The following ASPH variants were observed in gnomAD, a reference collection of about 807,000 sequenced individuals.
The protein encoded by ASPH is aspartyl/asparaginyl beta-hydroxylase.
A neutral mutation model predicts 118.4 loss-of-function variants in ASPH; 100 were observed. The observed-to-expected ratio is 0.84, with a 90% CI of 0.72 to 1.00. The LOEUF (loss-of-function observed/expected upper bound fraction) is 1.00, where lower values mean the gene tolerates loss of function less well. Among genes scored for constraint, ASPH ranks in the 50% least tolerant of loss-of-function variants. The probability of loss-of-function intolerance (pLI) is 0.00; values close to 1 mark genes in which losing one functional copy is unlikely to be tolerated. For missense variants in ASPH, 920 were observed against 919.5 expected, an observed-to-expected ratio of 1.00 and a Z score of -0.01; for synonymous variants, 315 against 325.6, an observed-to-expected ratio of 0.97 and a Z score of 0.35.
At chr8:61,674,876 G>A (rs893698940) in intron 3 of ASPH, among the ~76,000 whole-genome samples, 5 of 152,158 alleles carry the variant, frequency 3.3e-5, no homozygotes, top group Non-Finnish European at 5.9e-5. Context: ...TTAGCTCTCT[G>A]ACAAACTAAC....
intron 15 of ASPH, chr8:61,578,364 G>C (rs1256373500): frequency 3.1e-6 from 5 of 1,606,502 alleles, no homozygotes; most frequent in Admixed American, 3.3e-5. Flanking sequence ...CTTTCGGGGT[G>C]GCCTGGGAGG....
At chr8:61,517,408 CTT>C in intron 24 of ASPH, 118 bp downstream of exon 24, 1 of 1,397,958 alleles carries the variant, frequency 7.2e-7, no homozygotes, top group Non-Finnish European at 9.8e-7. Flanking sequence ...ATTAATATCA[CTT>C]TGCTCCAGTC....
chr8:61,665,958 T>G (rs1040292334), intron 3 of ASPH, among the ~76,000 whole-genome samples: 9 of 152,206 alleles, frequency 5.9e-5, no homozygotes, highest in African/African-American at 2.2e-4. Context: ...AAAGGAACAC[T>G]GGCAACGTAA....
At chr8:61,636,126 G>T (rs1857606961) in intron 12 of ASPH, among the ~76,000 whole-genome samples, 1 of 152,082 alleles carries the variant, frequency 6.6e-6, no homozygotes, top group African/African-American at 2.4e-5. Flanking sequence ...ATAACAGAAG[G>T]GTTTAAACAC....
At chr8:61,590,245 T>G (rs1840689627) in intron 14 of ASPH, among the ~76,000 whole-genome samples, 1 of 152,124 alleles carries the variant, frequency 6.6e-6, no homozygotes, top group Non-Finnish European at 1.5e-5. Context: ...AAGAAGGAAC[T>G]TTATTGATGC....
intron 4 of ASPH, among the ~76,000 whole-genome samples, chr8:61,652,603 G>A (rs1008039721): frequency 1.3e-5 from 2 of 152,212 alleles, no homozygotes; most frequent in Admixed American, 1.3e-4. Context: ...GTTGTAGAGG[G>A]GAGAGGGATT....
At chr8:61,616,793 C>G (rs1298207376) in intron 14 of ASPH, among the ~76,000 whole-genome samples, 4 of 152,226 alleles carry the variant, frequency 2.6e-5, no homozygotes, top group African/African-American at 9.6e-5. Flanking sequence ...ACGGCATGCT[C>G]TCCTGCTTTG....
At chr8:61,561,617 G>A (rs1348276773) in intron 18 of ASPH, among the ~76,000 whole-genome samples, 1 of 152,128 alleles carries the variant, frequency 6.6e-6, no homozygotes, top group Non-Finnish European at 1.5e-5. Flanking sequence ...GTTCTTGATG[G>A]CATTTAAAAA....
intron 1 of ASPH, chr8:61,684,848 T>C (rs1283309990): frequency 6.6e-6 from 1 of 152,050 alleles, no homozygotes; most frequent in Non-Finnish European, 1.5e-5. Context: ...AATATTCTTC[T>C]TACAGCCAAA....
intron 1 of ASPH, among the ~76,000 whole-genome samples, chr8:61,702,478 G>A (rs1021654472): frequency 2.0e-5 from 3 of 151,918 alleles, no homozygotes; most frequent in African/African-American, 7.3e-5. Context: ...AGTAGAGACG[G>A]GGTTTCACCG....
chr8:61,626,811 G>C (rs1360450155), intron 13 of ASPH, among the ~76,000 whole-genome samples: 3 of 151,282 alleles, frequency 2.0e-5, no homozygotes, highest in African/African-American at 7.3e-5. Flanking sequence ...TATTTTAAAA[G>C]AAGTAAAATT....
intron 5 of ASPH, among the ~76,000 whole-genome samples, chr8:61,647,525 G>T (rs931101692): frequency 2.6e-5 from 4 of 152,058 alleles, no homozygotes; most frequent in African/African-American, 9.7e-5. Flanking sequence ...ACAAAAATTA[G>T]TCATGCATGG....
In ASPH at chr8:61,690,827, T is replaced by C. The variant is rs553530020; in HGVS notation, c.104-6639A>G. Among the ~76,000 whole-genome samples, 67 of 152,330 alleles carry C rather than the reference T, an allele frequency of 4.4e-4. 1 individual carries two copies. In the Middle Eastern group the frequency reaches 0.027, roughly 62 times the overall value. On this transcript the variant is annotated intron_variant, in intron 1 of 24. Transcript: ENST00000379454. ...TCTTCTGGAAGAAAAAATGAAATTCTTGTTAAAAGGATATGCACATTTTTA... is the reference window on the plus strand; with the variant it reads ...TCTTCTGGAAGAAAAAATGAAATTCCTGTTAAAAGGATATGCACATTTTTA...
Position 61,599,904 on chromosome 8 carries a change from C to G in ASPH, c.977-15875G>C, listed in dbSNP as rs1336442293. Among the ~76,000 whole-genome samples the G allele has an allele frequency of 2.6e-5, 4 of 152,300 alleles. No individual in the cohort carries two copies. In the East Asian group the frequency reaches 7.7e-4, roughly 29 times the overall value. ...AGAAGGGAATTCTTCCTAGCTCATT[C>G]TACCAGGACAGCATTGCCCTGATAC... On this transcript the variant is annotated intron_variant, in intron 14 of 24. Coordinates refer to ENST00000379454, the MANE Select transcript of ASPH (RefSeq NM_004318.4).
intron 3 of ASPH, chr8:61,676,129 C>T: frequency 6.3e-7 from 1 of 1,599,476 alleles, no homozygotes; most frequent in Non-Finnish European, 8.5e-7. Context: ...CCCCTTCATT[C>T]TGTGACGTAC....
At chr8:61,517,881 C>A in intron 23 of ASPH, 151 bp downstream of exon 23, 1 of 1,088,424 alleles carries the variant, frequency 9.2e-7, no homozygotes, top group Non-Finnish European at 1.3e-6. Flanking sequence ...TCAATTCTGA[C>A]GTCAACCACA....
At chr8:61,571,093 C>T (rs948557268) in intron 16 of ASPH, among the ~76,000 whole-genome samples, 3 of 152,124 alleles carry the variant, frequency 2.0e-5, no homozygotes, top group African/African-American at 7.2e-5. Context: ...ATAATTTCTT[C>T]CTATAAAACC....
intron 11 of ASPH, 74 bp downstream of exon 11, chr8:61,638,248 C>A: frequency 2.0e-6 from 3 of 1,522,802 alleles, no homozygotes; most frequent in South Asian, 2.4e-5. Flanking sequence ...ACTCTTTGTT[C>A]CACAGGTAGG....
At chr8:61,667,601 G>A (rs1253425613) in intron 3 of ASPH, among the ~76,000 whole-genome samples, 3 of 152,134 alleles carry the variant, frequency 2.0e-5, no homozygotes, top group Admixed American at 6.6e-5. Flanking sequence ...TCCTGACCTC[G>A]TGATCCACCC....
Sources: gnomAD v4.1 joint callset for allele counts (sites outside exome capture counted in the v4.1 genomes callset) on GRCh38, gnomAD v4.1.1 for gene constraint, MANE v1.5 for transcripts, NCBI Gene and HGNC (gene_info 2026-07-23, HGNC 2026-07-21) for gene names.